SPMAP2L: variants seen among roughly 807,000 people sequenced by gnomAD.
SPMAP2L encodes sperm microtubule associated protein 2-like.
At chr4:56,603,771 A>G in the SPMAP2L span, among the ~76,000 whole-genome samples, 1 of 152,146 alleles carries the variant, frequency 6.6e-6, no homozygotes, top group Non-Finnish European at 1.5e-5. Context: ...GCATCCCCTT[A>G]TTACTTAGAA....
chr4:56,553,180 CTTTTTTTTTTTTT>C, the SPMAP2L span, among the ~76,000 whole-genome samples: 7 of 29,990 alleles, frequency 2.3e-4, no homozygotes, highest in African/African-American at 7.8e-4. Context: ...TCTCCTATTG[CTTTTTTTTTTTTT>C]TTTTTTTTTT....
the SPMAP2L span, among the ~76,000 whole-genome samples, chr4:56,622,768 G>T: frequency 6.6e-6 from 1 of 152,064 alleles, no homozygotes; most frequent in African/African-American, 2.4e-5. Flanking sequence ...CCCTCATGCC[G>T]CACACTGCCT....
At chr4:56,541,054 C>T in the SPMAP2L span, among the ~76,000 whole-genome samples, 13 of 152,310 alleles carry the variant, frequency 8.5e-5, no homozygotes, top group Admixed American at 5.2e-4. Context: ...CTTTCGGTTA[C>T]GTCATAGCTG....
chr4:56,531,770 C>A, the SPMAP2L span, among the ~76,000 whole-genome samples: 3 of 152,222 alleles, frequency 2.0e-5, no homozygotes, highest in East Asian at 5.8e-4. Flanking sequence ...TCTGACCCCA[C>A]TCGCTCATTT....
At chr4:56,577,125 C>G in the SPMAP2L span, among the ~76,000 whole-genome samples, 1 of 150,138 alleles carries the variant, frequency 6.7e-6, no homozygotes, top group Non-Finnish European at 1.5e-5. Flanking sequence ...GAAGGATTGG[C>G]GAGGTGTGGT....
the SPMAP2L span, among the ~76,000 whole-genome samples, chr4:56,604,151 A>G: frequency 6.6e-6 from 1 of 152,192 alleles, no homozygotes; most frequent in African/African-American, 2.4e-5. Flanking sequence ...GTAATACCAC[A>G]TAGCAGTTTT....
At chr4:56,534,272 C>A in the SPMAP2L span, among the ~76,000 whole-genome samples, 1 of 152,036 alleles carries the variant, frequency 6.6e-6, no homozygotes, top group African/African-American at 2.4e-5. Flanking sequence ...ATGGCTAATT[C>A]TTCATCTTCA....
chr4:56,535,766 T>C, the SPMAP2L span, among the ~76,000 whole-genome samples: 3 of 152,166 alleles, frequency 2.0e-5, no homozygotes, highest in Non-Finnish European at 4.4e-5. Context: ...GTCACAGAAG[T>C]CCCTTAGAAC....
chr4:56,531,203 C>T, the SPMAP2L span: 3 of 1,496,358 alleles, frequency 2.0e-6, no homozygotes, highest in Non-Finnish European at 2.7e-6. Context: ...CCCTCTCCTG[C>T]TTCTCCCTTC....
chr4:56,577,767 C>G, the SPMAP2L span, among the ~76,000 whole-genome samples: 5 of 152,076 alleles, frequency 3.3e-5, 1 homozygote, highest in South Asian at 1.0e-3. Flanking sequence ...GAAAGTATTT[C>G]AGACTAAGTG....
At chr4:56,547,882 T>A in the SPMAP2L span, among the ~76,000 whole-genome samples, 2 of 152,174 alleles carry the variant, frequency 1.3e-5, no homozygotes, top group African/African-American at 4.8e-5. Context: ...TTCATTAGCT[T>A]AACCATTTCT....
At chr4:56,560,761 T>C in the SPMAP2L span, among the ~76,000 whole-genome samples, 1 of 152,106 alleles carries the variant, frequency 6.6e-6, no homozygotes, top group Non-Finnish European at 1.5e-5. Context: ...TTTTATTTTT[T>C]TGGAGACAGA....
the SPMAP2L span, among the ~76,000 whole-genome samples, chr4:56,558,973 G>A: frequency 6.6e-6 from 1 of 151,790 alleles, no homozygotes; most frequent in Non-Finnish European, 1.5e-5. Context: ...TCACACTGTT[G>A]CCCAGGCTGG....
chr4:56,568,413 T>C, the SPMAP2L span, among the ~76,000 whole-genome samples: 8 of 152,336 alleles, frequency 5.3e-5, no homozygotes, highest in East Asian at 1.5e-3. Context: ...ATAAATATTC[T>C]TGAGCTTTGT....
the SPMAP2L span, among the ~76,000 whole-genome samples, chr4:56,580,935 GGAA>G: frequency 3.0e-3 from 458 of 152,188 alleles, 4 homozygotes; most frequent in African/African-American, 0.011. Context: ...GCCTTTAAAA[GGAA>G]GAAAATTCCG....
At chr4:56,583,799 T>C in the SPMAP2L span, among the ~76,000 whole-genome samples, 1,041 of 152,340 alleles carry the variant, frequency 6.8e-3, 14 homozygotes, top group African/African-American at 0.024. Context: ...ATGAAGGTCA[T>C]AACTCATTCA....
At chr4:56,548,839 A>C in the SPMAP2L span, 1 of 1,463,128 alleles carries the variant, frequency 6.8e-7, no homozygotes, top group Non-Finnish European at 9.0e-7. Context: ...ACATAGTTAT[A>C]GTACTATTTT....
chr4:56,608,280 G>A, the SPMAP2L span, among the ~76,000 whole-genome samples: 1 of 152,188 alleles, frequency 6.6e-6, no homozygotes, highest in South Asian at 2.1e-4. Context: ...AATTAAAAGA[G>A]AGGCAGAACT....
At chr4:56,531,678 A>G in the SPMAP2L span, among the ~76,000 whole-genome samples, 6 of 152,232 alleles carry the variant, frequency 3.9e-5, no homozygotes, top group African/African-American at 1.4e-4. Flanking sequence ...GTATGCATCT[A>G]CAAAGTGCTC....
Sources: allele counts gnomAD v4.1 joint callset (sites outside exome capture counted in the v4.1 genomes callset), GRCh38; gene constraint gnomAD v4.1.1; transcripts MANE v1.5; gene names NCBI Gene and HGNC (gene_info 2026-07-23, HGNC 2026-07-21).